Variants in RXFP1 observed in about 807,000 individuals in gnomAD.
RXFP1 encodes the protein relaxin receptor 1.
A neutral mutation model predicts 89.8 loss-of-function variants in RXFP1; 73 were observed. That is an observed-to-expected ratio of 0.81 (90% CI 0.67 to 0.99). The LOEUF (loss-of-function observed/expected upper bound fraction) is 0.99. Among genes scored for constraint, RXFP1 ranks in the 50% least tolerant of loss-of-function variants. The pLI, the probability that RXFP1 is intolerant of heterozygous loss-of-function variation, is 0.00. For synonymous variants in RXFP1, 277 were observed against 305.5 expected (o/e 0.91, Z 0.97); for missense variants, 793 against 895.5 (o/e 0.89, Z 1.46).
chr4:158,522,536 C>G (rs1477133717), intron 1 of RXFP1, among the ~76,000 whole-genome samples: 1 of 152,078 alleles, frequency 6.6e-6, no homozygotes, highest in Non-Finnish European at 1.5e-5. Context: ...CAAGGGAAAG[C>G]ACAAAGCAAT....
chr4:158,602,924 T>G (rs980209126), intron 4 of RXFP1, among the ~76,000 whole-genome samples: 70 of 152,278 alleles, frequency 4.6e-4, no homozygotes, highest in African/African-American at 1.6e-3. Flanking sequence ...AACTCAGGTT[T>G]TTTTGTTTGT....
chr4:158,620,433 T>C (rs1224494373), intron 9 of RXFP1, among the ~76,000 whole-genome samples: 1 of 152,042 alleles, frequency 6.6e-6, no homozygotes, highest in African/African-American at 2.4e-5. Flanking sequence ...TACATTAATA[T>C]AATGCAACAA....
chr4:158,576,849 G>A (rs950666052), intron 2 of RXFP1, among the ~76,000 whole-genome samples: 4 of 152,188 alleles, frequency 2.6e-5, no homozygotes, highest in Middle Eastern at 3.2e-3. Context: ...TTCCAGGAAG[G>A]ATGGCAGAAT....
chr4:158,530,952 C>CT (rs1414743331), intron 1 of RXFP1, among the ~76,000 whole-genome samples: 1 of 152,106 alleles, frequency 6.6e-6, no homozygotes, highest in Non-Finnish European at 1.5e-5. Context: ...TCTTGGGCAC[C>CT]TTTTTTCAAA....
chr4:158,588,761 G>A (rs757496225), intron 2 of RXFP1, among the ~76,000 whole-genome samples: 1 of 152,176 alleles, frequency 6.6e-6, no homozygotes, highest in Non-Finnish European at 1.5e-5. Flanking sequence ...TCCATGACAG[G>A]TTCCTTGCAG....
At chr4:158,573,686 C>T (rs985358738) in intron 2 of RXFP1, among the ~76,000 whole-genome samples, 4 of 152,070 alleles carry the variant, frequency 2.6e-5, no homozygotes, top group African/African-American at 9.7e-5. Flanking sequence ...GGCTCTGGAG[C>T]CAGACTGCCC....
chr4:158,574,092 G>T (rs1021744746), intron 2 of RXFP1, among the ~76,000 whole-genome samples: 1 of 152,134 alleles, frequency 6.6e-6, no homozygotes, highest in Non-Finnish European at 1.5e-5. Flanking sequence ...CTGAAGCCTT[G>T]AAAATACAAA....
chr4:158,557,657 C>T (rs1320412843), intron 1 of RXFP1, among the ~76,000 whole-genome samples: 1 of 152,190 alleles, frequency 6.6e-6, no homozygotes, highest in Admixed American at 6.5e-5. Context: ...AGCCACTGCG[C>T]CCAACCTATG....
Position 158,612,121 on chromosome 4 carries a change from CT to C in RXFP1, c.537-5del. ...TACAAATTTATTGTAGTTATTTCTCCTTTTCCAGGTATCTCAGTCATAACAG... is the reference window on the plus strand; with the variant it reads ...TACAAATTTATTGTAGTTATTTCTCCTTTCCAGGTATCTCAGTCATAACAG... On this transcript the variant is annotated splice_region_variant and splice_polypyrimidine_tract_variant and intron_variant, in intron 6 of 17. Coordinates refer to ENST00000307765, the MANE Select transcript of RXFP1 (RefSeq NM_021634.4). 6.3e-7 allele frequency: 1 copy of C among 1,584,374 alleles called. No homozygotes were observed. The highest frequency in any genetic ancestry group is 8.6e-7 in the Non-Finnish European group (1 of 1,167,952).
At chr4:158,598,933 T>G (rs1761146197) in intron 3 of RXFP1, among the ~76,000 whole-genome samples, 1 of 151,852 alleles carries the variant, frequency 6.6e-6, no homozygotes, top group African/African-American at 2.4e-5. Context: ...AATACTTTAT[T>G]TTTAAGTGGC....
At chr4:158,643,295 A>G (rs1770748309) in intron 14 of RXFP1, among the ~76,000 whole-genome samples, 1 of 151,998 alleles carries the variant, frequency 6.6e-6, no homozygotes, top group South Asian at 2.1e-4. Context: ...GCTGCTTTTT[A>G]TTAAAAGAGA....
chr4:158,546,182 AT>A (rs1748341137), intron 1 of RXFP1, among the ~76,000 whole-genome samples: 1 of 151,934 alleles, frequency 6.6e-6, no homozygotes, highest in South Asian at 2.1e-4. Context: ...TGTAAGTTGG[AT>A]TCCTAGGTAT....
chr4:158,584,311 G>A (rs1757893226), intron 2 of RXFP1, among the ~76,000 whole-genome samples: 1 of 151,972 alleles, frequency 6.6e-6, no homozygotes. Flanking sequence ...GTGCATCCCT[G>A]TAATCCCAGC....
Position 158,555,704 on chromosome 4 carries a change from G to A in RXFP1, c.50-16994G>A, listed in dbSNP as rs772874646. ...GTGTCTCACTTGGCAATTGGCATACGTGACTGTTCCTCTATTTTTCCATCT... is the reference window on the plus strand; with the variant it reads ...GTGTCTCACTTGGCAATTGGCATACATGACTGTTCCTCTATTTTTCCATCT... On this transcript the variant is annotated intron_variant, in intron 1 of 17. Coordinates refer to ENST00000307765, the MANE Select transcript of RXFP1 (RefSeq NM_021634.4). Among the ~76,000 whole-genome samples the A allele has an allele frequency of 7.1e-4, 108 of 152,126 alleles. 1 individual carries two copies. The highest frequency in any genetic ancestry group is 1.4e-3 in the Non-Finnish European group (92 of 68,016).
upstream of RXFP1, chr4:158,521,714 G>A (rs560412470): frequency 3.9e-5 from 18 of 465,718 alleles, no homozygotes; most frequent in Admixed American, 2.8e-4. Context: ...ACGCGCACGC[G>A]TGCGTGTGTG....
intron 4 of RXFP1, among the ~76,000 whole-genome samples, chr4:158,604,016 T>A (rs1234585425): frequency 6.6e-6 from 1 of 151,736 alleles, no homozygotes; most frequent in Non-Finnish European, 1.5e-5. Context: ...AATTCTCACC[T>A]TCATTGAGAG....
chr4:158,545,702 A>T (rs1748149408), intron 1 of RXFP1, among the ~76,000 whole-genome samples: 1 of 152,238 alleles, frequency 6.6e-6, no homozygotes, highest in Non-Finnish European at 1.5e-5. Flanking sequence ...TTTGTTAAAT[A>T]GGGAATCCTT....
Position 158,607,848 on chromosome 4 carries a change from G to A in RXFP1, c.465-124G>A. 11 of 584,520 alleles carry A rather than the reference G, an allele frequency of 1.9e-5. 1 individual carries two copies. The South Asian group carries it at 2.4e-4, about 13-fold the overall frequency. 36.2% of individuals were successfully genotyped at this position (584,520 alleles called of 1,614,324 possible). A position where few individuals can be genotyped will look rare whatever the true frequency, so the allele number is the denominator to read the frequency against. On this transcript the variant is annotated intron_variant, in intron 5 of 17. Coordinates refer to ENST00000307765, the MANE Select transcript of RXFP1 (RefSeq NM_021634.4). ...TTAACCATTTTTAAGTCTACCTTCA[G>A]AGGCATTAAGCACATTCATATTGCT... is the stretch of plus-strand genomic sequence containing the variant.
intron 1 of RXFP1, among the ~76,000 whole-genome samples, chr4:158,524,578 T>C (rs1327403291): frequency 1.3e-5 from 2 of 152,224 alleles, no homozygotes; most frequent in Non-Finnish European, 2.9e-5. Flanking sequence ...TTTTCATTCT[T>C]TAAAAATCCT....
Sources: allele counts gnomAD v4.1 joint callset (sites outside exome capture counted in the v4.1 genomes callset), GRCh38; gene constraint gnomAD v4.1.1; transcripts MANE v1.5; gene names NCBI Gene and HGNC (gene_info 2026-07-23, HGNC 2026-07-21).